The following ARNT2 variants were observed in gnomAD, a reference collection of about 807,000 sequenced individuals.
ARNT2 encodes the protein ARNT protein 2.
In ARNT2, 36 loss-of-function variants were observed where a neutral mutation model predicts 91.7. That is an observed-to-expected ratio of 0.39 (90% confidence interval 0.30 to 0.52). The LOEUF (loss-of-function observed/expected upper bound fraction) is 0.52. Ranked by LOEUF, ARNT2 falls within the 20% of genes least tolerant of loss-of-function variation. The probability of loss-of-function intolerance (pLI) is 0.72; values close to 1 mark genes in which losing one functional copy is unlikely to be tolerated. For missense variants in ARNT2, 775 were observed against 939.3 expected, an observed-to-expected ratio of 0.83 and a Z score of 2.29; for synonymous variants, 365 against 347.1, an observed-to-expected ratio of 1.05 and a Z score of -0.57.
chr15:80,575,093 T>G lies in ARNT2; in HGVS notation c.1496T>G (p.Phe499Cys). The part of the protein sequence containing the change: ...QERDPRFAEM[F>C]AGISASEKKM... The stretch of plus-strand genomic sequence containing the variant: ...AGAGATCCTCGGTTTGCTGAAATGT[T>G]TGCAGGAATTAGTGCATGTAAGTTT... The change falls in exon 14 of 19, where the codon TTT (phenylalanine) becomes TGT (cysteine). Residue 499 changes from phenylalanine to cysteine, a missense_variant. Transcript: ENST00000303329. 6.2e-7 allele frequency: 1 copy of G among 1,614,194 alleles called. No homozygotes were observed. The highest frequency in any genetic ancestry group is 8.5e-7 in the Non-Finnish European group (1 of 1,180,012).
rs1897396325 is a variant in ARNT2, at chr15:80,514,375, A to G, written c.847A>G (p.Thr283Ala). Residue 283 changes from threonine to alanine, a missense_variant, in exon 8 of 19, where the codon ACA (threonine) becomes GCA (alanine). By Grantham distance (58) the Thr-to-Ala change is moderately conservative. Transcript: ENST00000303329. ...GEAQYAVVHC[T>A]GYIKAWPPAG... is the part of the protein sequence containing the mutation. ...AGCCCAATATGCTGTGGTCCACTGT[A>G]CAGGATACATCAAGGCCTGGCCACC... 1 of 1,614,248 alleles carries G rather than the reference A, an allele frequency of 6.2e-7. No individual in the cohort carries two copies. The highest frequency in any genetic ancestry group is 8.5e-7 in the Non-Finnish European group (1 of 1,180,038).
At chr15:80,433,193 C>G (rs1051056015) in intron 1 of ARNT2, among the ~76,000 whole-genome samples, 4 of 73,162 alleles carry the variant, frequency 5.5e-5, no homozygotes, top group African/African-American at 1.4e-4. Context: ...AGCGGGTATG[C>G]CCACATTTTT....
intron 6 of ARNT2, among the ~76,000 whole-genome samples, chr15:80,512,668 A>T (rs1283008428): frequency 1.3e-5 from 2 of 152,224 alleles, no homozygotes; most frequent in South Asian, 2.1e-4. Context: ...CCAGCAATAC[A>T]AATCTTAATG....
chr15:80,575,274 C>G (rs1451602284), intron 14 of ARNT2, among the ~76,000 whole-genome samples, 164 bp downstream of exon 14: 2 of 152,192 alleles, frequency 1.3e-5, no homozygotes, highest in African/African-American at 4.8e-5. Context: ...TCTGTCTACT[C>G]CTGGCCTTGC....
chr15:80,452,943 T>G (rs1374442812), intron 2 of ARNT2, among the ~76,000 whole-genome samples: 1 of 152,202 alleles, frequency 6.6e-6, no homozygotes, highest in African/African-American at 2.4e-5. Flanking sequence ...CATTTCTTTT[T>G]ATTTTATTTT....
intron 8 of ARNT2, among the ~76,000 whole-genome samples, chr15:80,538,910 T>C (rs1055089749): frequency 5.3e-5 from 8 of 152,122 alleles, no homozygotes; most frequent in African/African-American, 1.7e-4. Context: ...TTTAAAAGTT[T>C]ATGAACAAAT....
chr15:80,431,230 G>A (rs1269740165), intron 1 of ARNT2, among the ~76,000 whole-genome samples: 2 of 152,160 alleles, frequency 1.3e-5, no homozygotes, highest in Non-Finnish European at 2.9e-5. Flanking sequence ...CGCCCCCTCT[G>A]TCCTCTCTGC....
chr15:80,520,560 A>C (rs181850183), intron 8 of ARNT2, among the ~76,000 whole-genome samples: 1 of 146,720 alleles, frequency 6.8e-6, no homozygotes, highest in South Asian at 2.1e-4. Context: ...TCTTACCACA[A>C]AAAAAAATAA....
chr15:80,502,465 G>A (rs1347760842), intron 5 of ARNT2, among the ~76,000 whole-genome samples: 1 of 152,208 alleles, frequency 6.6e-6, no homozygotes, highest in Non-Finnish European at 1.5e-5. Flanking sequence ...AAATGCAGGA[G>A]GAGGAGAGAC....
chr15:80,456,663 C>A (rs905886572), intron 2 of ARNT2, among the ~76,000 whole-genome samples: 1 of 152,240 alleles, frequency 6.6e-6, no homozygotes, highest in East Asian at 1.9e-4. Context: ...AAGGATGGCT[C>A]GCCCTGTGTA....
In ARNT2 at chr15:80,576,899, C is replaced by G; in HGVS notation, c.1547C>G (p.Ala516Gly). 1 of 1,614,142 alleles carries G rather than the reference C, an allele frequency of 6.2e-7. No individual in the cohort carries two copies. The highest frequency in any genetic ancestry group is 1.7e-5 in the Admixed American group (1 of 60,032). ...AAGATGATGAGCTCAGCCTCTGCAGCAGGAACCCAGCAGATCTACTCCCAA... is the reference window on the plus strand; with the variant it reads ...AAGATGATGAGCTCAGCCTCTGCAGGAGGAACCCAGCAGATCTACTCCCAA... The part of the protein sequence containing the change: ...EKKMMSSASA[A>G]GTQQIYSQGS... Residue 516 changes from alanine (A) to glycine (G), a missense_variant, in exon 15 of 19, where the codon GCA becomes GGA. By Grantham distance (60) the Ala-to-Gly change is moderately conservative (BLOSUM62 0). This residue lies in a region of ARNT2 where 325 missense variants were observed against 359.9 expected (regional missense o/e 0.90). Coordinates refer to ENST00000303329, the MANE Select transcript of ARNT2 (RefSeq NM_014862.4).
intron 1 of ARNT2, among the ~76,000 whole-genome samples, chr15:80,438,792 C>T (rs375696530): frequency 2.6e-5 from 4 of 152,218 alleles, no homozygotes; most frequent in East Asian, 1.9e-4. Context: ...TGGGTTCACG[C>T]GATTCTCCTG....
At chr15:80,450,637 T>C (rs777889151) in intron 1 of ARNT2, among the ~76,000 whole-genome samples, 20 of 152,368 alleles carry the variant, frequency 1.3e-4, no homozygotes, top group Middle Eastern at 3.4e-3. Flanking sequence ...TTTAATTCTG[T>C]GGTTAAACTG....
At chr15:80,567,409 A>G (rs1033386665) in intron 12 of ARNT2, among the ~76,000 whole-genome samples, 1 of 152,030 alleles carries the variant, frequency 6.6e-6, no homozygotes, top group Non-Finnish European at 1.5e-5. Flanking sequence ...TGCTCCAGCC[A>G]CTCCAGGCTA....
intron 10 of ARNT2, among the ~76,000 whole-genome samples, chr15:80,553,752 A>G (rs1233767242): frequency 6.6e-6 from 1 of 152,092 alleles, no homozygotes; most frequent in African/African-American, 2.4e-5. Context: ...AAAAGAAAAA[A>G]TATTTATTCT....
intron 12 of ARNT2, among the ~76,000 whole-genome samples, chr15:80,572,134 AC>A (rs1168012616): frequency 4.6e-5 from 7 of 151,790 alleles, no homozygotes; most frequent in Non-Finnish European, 8.8e-5. Flanking sequence ...AAAAAAAAAA[AC>A]AAACCTATTT....
chr15:80,422,939 T>A (rs1189541412), intron 1 of ARNT2, among the ~76,000 whole-genome samples: 1 of 152,242 alleles, frequency 6.6e-6, no homozygotes, highest in African/African-American at 2.4e-5. Context: ...TTTTTGGTCT[T>A]GTAATTTATA....
In ARNT2 at chr15:80,597,201, A is replaced by T. The variant is rs775092960; in HGVS notation, c.*3503A>T. On this transcript the variant is annotated 3_prime_UTR_variant, in exon 19 of 19. Coordinates refer to ENST00000303329, the MANE Select transcript of ARNT2 (RefSeq NM_014862.4). ...AGAAAGAAACCAGTCCCAGGGAATGAATGGTGGTCTCCCCACTCCCGGCAG... is the reference window on the plus strand; with the variant it reads ...AGAAAGAAACCAGTCCCAGGGAATGTATGGTGGTCTCCCCACTCCCGGCAG... 1.9e-6 allele frequency: 1 copy of T among 518,618 alleles called. No homozygotes were observed. The allele number at this position is 518,618 out of a possible 1,614,324, so 32.1% of individuals were successfully genotyped here. A position where few individuals can be genotyped will look rare whatever the true frequency, so the allele number is the denominator to read the frequency against.
At chr15:80,464,682 G>T (rs1481452332) in intron 3 of ARNT2, among the ~76,000 whole-genome samples, 1 of 152,188 alleles carries the variant, frequency 6.6e-6, no homozygotes, top group Non-Finnish European at 1.5e-5. Flanking sequence ...TGCCTCAGTG[G>T]GCCCTCTCTG....
Sources: allele counts gnomAD v4.1 joint callset (sites outside exome capture counted in the v4.1 genomes callset), GRCh38; gene constraint gnomAD v4.1.1; regional missense constraint gnomAD v4.1.1; transcripts MANE v1.5; gene names NCBI Gene and HGNC (gene_info 2026-07-23, HGNC 2026-07-21).